CDYL2: variants seen among roughly 807,000 people sequenced by gnomAD.
CDYL2 encodes the protein chromodomain Y like 2.
In CDYL2, 23 loss-of-function variants were observed where a neutral mutation model predicts 49.4. That is an observed-to-expected ratio of 0.47 (90% CI 0.34 to 0.66). The LOEUF (loss-of-function observed/expected upper bound fraction) is 0.66, where lower values mean the gene tolerates loss of function less well. CDYL2 is among the 30% of genes least tolerant of loss of function. The pLI, the probability that CDYL2 is intolerant of heterozygous loss-of-function variation, is 0.01. For synonymous variants in CDYL2, 360 were observed against 268.8 expected, an observed-to-expected ratio of 1.34 and a Z score of -3.32; for missense variants, 678 against 656.4, an observed-to-expected ratio of 1.03 and a Z score of -0.36.
intron 6 of CDYL2, among the ~76,000 whole-genome samples, chr16:80,606,816 T>C (rs1906357463): frequency 6.6e-6 from 1 of 152,060 alleles, no homozygotes; most frequent in African/African-American, 2.4e-5. Context: ...GATCTGATGA[T>C]TTTATAAGGG....
At chr16:80,697,538 T>G (rs1465030227) in intron 1 of CDYL2, among the ~76,000 whole-genome samples, 1 of 152,128 alleles carries the variant, frequency 6.6e-6, no homozygotes, top group Admixed American at 6.5e-5. Context: ...CTTTCACCAC[T>G]CTTACTCAAC....
chr16:80,705,945 A>G (rs1904389610), intron 1 of CDYL2, among the ~76,000 whole-genome samples: 1 of 152,258 alleles, frequency 6.6e-6, no homozygotes, highest in African/African-American at 2.4e-5. Context: ...CCATTTATTT[A>G]TTAAGGGAGA....
chr16:80,733,005 T>C (rs17754079), intron 1 of CDYL2, among the ~76,000 whole-genome samples: 64,177 of 152,016 alleles, frequency 0.42, 16,368 homozygotes, highest in Middle Eastern at 0.6. Context: ...AAGCCATTGA[T>C]CAAAACAGAC....
chr16:80,671,059 T>G (rs986253835), intron 2 of CDYL2: 2 of 452,196 alleles, frequency 4.4e-6, no homozygotes. Context: ...CTGACCCCAG[T>G]GGAGGCTTCT....
intron 1 of CDYL2, among the ~76,000 whole-genome samples, chr16:80,719,195 G>A (rs1904914502): frequency 6.6e-6 from 1 of 152,118 alleles, no homozygotes; most frequent in Non-Finnish European, 1.5e-5. Flanking sequence ...CCCCGTGAAT[G>A]CAAAGGCAAT....
Position 80,604,034 on chromosome 16 carries a change from C to G in CDYL2, c.*354G>C. The G allele has an allele frequency of 3.8e-6, 1 of 265,538 alleles. No homozygotes were observed. Among genetic ancestry groups the G allele is most frequent in the East Asian group, 8.4e-5 (1 of 11,910 alleles). 16.4% of individuals were successfully genotyped at this position (265,538 alleles called of 1,614,324 possible). On this transcript the variant is annotated 3_prime_UTR_variant, in exon 7 of 7. Coordinates refer to ENST00000570137, the MANE Select transcript of CDYL2 (RefSeq NM_152342.4). ...CTCCAAGTCAGAGGCACTGTGTAGA[C>G]ACAGCCTGAGTCAGAAGAATGTGAA...
At chr16:80,794,237 C>T (rs1175081175) in intron 1 of CDYL2, among the ~76,000 whole-genome samples, 1 of 152,182 alleles carries the variant, frequency 6.6e-6, no homozygotes, top group African/African-American at 2.4e-5. Flanking sequence ...ACTGTTATCA[C>T]ATACTGATTA....
rs111548879 is a variant in CDYL2, at chr16:80,690,351, C to T, written c.25-5222G>A. On this transcript the variant is annotated intron_variant, in intron 1 of 6. Coordinates refer to ENST00000570137, the MANE Select transcript of CDYL2 (RefSeq NM_152342.4). ...GCCTTCCAAGCAAGGGAGACCACCC[C>T]CTCCTCCTCAGCCTTTCCACTAGCA... is the stretch of plus-strand genomic sequence containing the variant. 8.8e-3 allele frequency among the ~76,000 whole-genome samples: 1,341 copies of T among 152,092 alleles called. 24 individuals carry two copies. Among genetic ancestry groups the T allele is most frequent in the African/African-American group, 0.03 (1,258 of 41,464 alleles).
At position 80,684,899 on chromosome 16, in the gene CDYL2, C is replaced by A; in HGVS notation, c.255G>T (p.Ser85=). ...AAGGTCTGTGGGACAGTTTCTCAAC[C>A]GACGGGCCTCGACTGTCACGCAGCA... ...SKLLRDSRGP[S]VEKLSHRPSD... The change falls in exon 2 of 7, where the codon TCG becomes TCT. Residue 85 remains serine, a synonymous_variant. Coordinates refer to ENST00000570137, the MANE Select transcript of CDYL2 (RefSeq NM_152342.4). The A allele has an allele frequency of 1.2e-6, 2 of 1,614,116 alleles. No homozygotes were observed. The highest frequency in any genetic ancestry group is 1.7e-6 in the Non-Finnish European group (2 of 1,180,036).
intron 1 of CDYL2, among the ~76,000 whole-genome samples, chr16:80,689,088 GA>G (rs1910311114): frequency 6.6e-6 from 1 of 152,158 alleles, no homozygotes; most frequent in Admixed American, 6.5e-5. Context: ...ATGAATGAAT[GA>G]ATGAATGACA....
chr16:80,745,461 G>A (rs750948190), intron 1 of CDYL2, among the ~76,000 whole-genome samples: 12 of 152,204 alleles, frequency 7.9e-5, no homozygotes, highest in Non-Finnish European at 1.6e-4. Flanking sequence ...CTTACTAGCT[G>A]TGTGGCCTTG....
chr16:80,686,413 A>G (rs1181438573), intron 1 of CDYL2, among the ~76,000 whole-genome samples: 1 of 152,220 alleles, frequency 6.6e-6, no homozygotes, highest in Non-Finnish European at 1.5e-5. Flanking sequence ...GTTATATTCA[A>G]AAGTTTATTC....
chr16:80,718,938 C>G (rs575888426), intron 1 of CDYL2, among the ~76,000 whole-genome samples: 25 of 152,274 alleles, frequency 1.6e-4, no homozygotes, highest in African/African-American at 6.0e-4. Context: ...GAGAGCAGAA[C>G]CAGGAAACCA....
Position 80,620,992 on chromosome 16 carries a change from C to T in CDYL2, c.835-57G>A, listed in dbSNP as rs1435811615. On this transcript the variant is annotated intron_variant, in intron 3 of 6. Transcript: ENST00000570137. ...AAGTGTCTATCCTGTAAGCCTGGGGCTTTCAGACTGCAAGACAGCCAGAGG... is the reference window on the plus strand; with the variant it reads ...AAGTGTCTATCCTGTAAGCCTGGGGTTTTCAGACTGCAAGACAGCCAGAGG... 9 of 1,473,170 alleles carry T rather than the reference C, an allele frequency of 6.1e-6. No individual in the cohort carries two copies. In the Admixed American group the frequency reaches 9.3e-5, roughly 15 times the overall value. 91.3% of individuals were successfully genotyped at this position (1,473,170 alleles called of 1,614,324 possible). A position where few individuals can be genotyped will look rare whatever the true frequency, so the allele number is the denominator to read the frequency against.
intron 1 of CDYL2, among the ~76,000 whole-genome samples, chr16:80,706,359 A>C (rs897886622): frequency 5.3e-5 from 8 of 152,208 alleles, no homozygotes; most frequent in Non-Finnish European, 1.0e-4. Flanking sequence ...CAATGCTGGC[A>C]GTGAAGGGCT....
intron 1 of CDYL2, among the ~76,000 whole-genome samples, chr16:80,760,440 AG>A (rs1906487083): frequency 6.6e-6 from 1 of 152,364 alleles, no homozygotes; most frequent in Admixed American, 6.5e-5. Flanking sequence ...GGGTGACTAT[AG>A]TCAATAATAA....
chr16:80,669,494 G>C (rs1909409944), intron 2 of CDYL2, among the ~76,000 whole-genome samples: 2 of 152,116 alleles, frequency 1.3e-5, no homozygotes, highest in African/African-American at 4.8e-5. Context: ...GATGGTGGGA[G>C]ATGGTGGCAC....
At chr16:80,729,350 A>C in intron 1 of CDYL2, among the ~76,000 whole-genome samples, 1 of 152,088 alleles carries the variant, frequency 6.6e-6, no homozygotes, top group Non-Finnish European at 1.5e-5. Flanking sequence ...AAAAGAGACA[A>C]AGAAGGCCAT....
At chr16:80,713,106 C>T (rs183382037) in intron 1 of CDYL2, among the ~76,000 whole-genome samples, 2 of 152,310 alleles carry the variant, frequency 1.3e-5, no homozygotes, top group African/African-American at 4.8e-5. Flanking sequence ...TCAGAGACTG[C>T]GTTCCTTGAC....
Sources: allele counts gnomAD v4.1 joint callset (sites outside exome capture counted in the v4.1 genomes callset), GRCh38; gene constraint gnomAD v4.1.1; transcripts MANE v1.5; gene names NCBI Gene and HGNC (gene_info 2026-07-23, HGNC 2026-07-21).